MYRF: variants seen among roughly 807,000 people sequenced by gnomAD.
The protein encoded by MYRF is myelin gene regulatory factor.
MYRF carries 16 observed loss-of-function variants against 126.3 expected under a neutral mutation model. The ratio of observed to expected loss-of-function variants is 0.13; its 90% confidence interval spans 0.09 to 0.19. MYRF has a LOEUF of 0.19. Among genes scored for constraint, MYRF ranks in the 10% least tolerant of loss-of-function variants. The probability of loss-of-function intolerance (pLI) is 1.00; values close to 1 mark genes in which losing one functional copy is unlikely to be tolerated. For missense variants in MYRF, 1,104 were observed against 1,547.0 expected (o/e 0.71, Z 4.80); for synonymous variants, 608 against 635.3 (o/e 0.96, Z 0.65).
Position 61,777,628 on chromosome 11 carries a change from G to T in MYRF, c.1792-106G>T. ...CCGATCTAACCACTCCAGTGGTGGG[G>T]TCTCCTCTCCACACTGCAGCCTCCA... On this transcript the variant is annotated intron_variant, in intron 12 of 26. Coordinates refer to ENST00000278836, the MANE Select transcript of MYRF (RefSeq NM_001127392.3). The surrounding 1 kb of genome is among the most constrained non-coding windows in gnomAD (Gnocchi z 8.8). The T allele has an allele frequency of 7.6e-7, 1 of 1,311,852 alleles. No homozygotes were observed. Among genetic ancestry groups the T allele is most frequent in the East Asian group, 2.5e-5 (1 of 39,490 alleles). 81.3% of individuals were successfully genotyped at this position (1,311,852 alleles called of 1,614,324 possible).
In MYRF at chr11:61,771,546, C is replaced by G. The variant is rs745827961; in HGVS notation, c.787C>G (p.Pro263Ala). The change falls in exon 6 of 27, where the codon CCC (proline) becomes GCC (alanine). Residue 263 changes from proline (P) to alanine (A), a missense_variant. Around this residue, in one of 10 missense-constraint regions of MYRF, gnomAD observed 368 missense variants for 403.9 expected, o/e 0.91. Transcript: ENST00000278836. ...GAAGAGGAAGCACTCTGAATCCCCCCCCAGCACCCTCAATGCCCAGATGCT... is the reference window on the plus strand; with the variant it reads ...GAAGAGGAAGCACTCTGAATCCCCCGCCAGCACCCTCAATGCCCAGATGCT... ...SKKRKHSESP[P>A]STLNAQMLNG... The G allele has an allele frequency of 6.2e-6, 10 of 1,613,898 alleles. No individual in the cohort carries two copies. Among genetic ancestry groups the G allele is most frequent in the Admixed American group, 1.7e-5 (1 of 59,988 alleles).
Position 61,777,896 on chromosome 11 carries a change from G to A in MYRF, c.1903+51G>A, listed in dbSNP as rs1487984398. The A allele has an allele frequency of 2.1e-6, 3 of 1,439,930 alleles. No homozygotes were observed. Among genetic ancestry groups the A allele is most frequent in the African/African-American group, 1.4e-5 (1 of 70,748 alleles). 89.2% of individuals were successfully genotyped at this position (1,439,930 alleles called of 1,614,324 possible). On this transcript the variant is annotated intron_variant, in intron 13 of 26. Transcript: ENST00000278836. This position sits in a 1 kb window ranked among gnomAD's most constrained non-coding sequence, Gnocchi z 8.8. ...GGGTCCGGAAACCCAGAAACCTCGG[G>A]CCTCAGTGACCTTGCCCCCTGTCAC...
At chr11:61,756,517 AG>A (rs1254322812) in intron 1 of MYRF, among the ~76,000 whole-genome samples, 1 of 151,086 alleles carries the variant, frequency 6.6e-6, no homozygotes, top group Non-Finnish European at 1.5e-5. Context: ...AGTAGATGGG[AG>A]GGGTGGCCAG....
chr11:61,764,374 A>G (rs1475429512), intron 1 of MYRF, among the ~76,000 whole-genome samples: 1 of 152,216 alleles, frequency 6.6e-6, no homozygotes, highest in Non-Finnish European at 1.5e-5. Context: ...ATCTCGTTTC[A>G]TACTCAAAAC....
At chr11:61,782,143 G>A in intron 22 of MYRF, 3 of 307,868 alleles carry the variant, frequency 9.7e-6, no homozygotes, top group Non-Finnish European at 1.8e-5. Context: ...CCCGAGCCTG[G>A]CTCCTCCTTC....
chr11:61,775,991 G>A (rs2066371423), intron 8 of MYRF, 65 bp from the exon 9 acceptor site: 1 of 1,492,588 alleles, frequency 6.7e-7, no homozygotes, highest in African/African-American at 1.4e-5. Flanking sequence ...GGCTGAGAGG[G>A]GGCAGGAGGG....
chr11:61,781,017 A>G lies in MYRF; in HGVS notation c.2544A>G (p.Leu848=). 1 of 1,610,080 alleles carries G rather than the reference A, an allele frequency of 6.2e-7. No homozygotes were observed. Among genetic ancestry groups the G allele is most frequent in the Non-Finnish European group, 8.5e-7 (1 of 1,179,994 alleles). ...GACAGTCCCCCTTGACCACGGGGCT[A>G]CCAGGCATACAGCCCTCTTTGCTGC... The part of the protein sequence containing the change: ...QLRQSPLTTG[L]PGIQPSLLLV... The change falls in exon 20 of 27, where the codon CTA becomes CTG. Residue 848 remains leucine, a synonymous_variant. Transcript: ENST00000278836.
intron 1 of MYRF, among the ~76,000 whole-genome samples, chr11:61,764,679 C>T (rs1458274653): frequency 6.6e-6 from 1 of 152,210 alleles, no homozygotes; most frequent in Non-Finnish European, 1.5e-5. Context: ...CCTTATCACC[C>T]CGCCCTCTGG....
At chr11:61,770,942 C>A (rs1341445890) in intron 5 of MYRF, among the ~76,000 whole-genome samples, 2 of 152,190 alleles carry the variant, frequency 1.3e-5, no homozygotes. Context: ...TCTGACTCAA[C>A]CTGCACGATT....
rs1379227650 is a variant in MYRF at position 61,776,064 on chromosome 11, C to T, written c.1320C>T (p.Ala440=). The change falls in exon 9 of 27, where the codon GCC becomes GCT. Residue 440 remains alanine, a synonymous_variant. Transcript: ENST00000278836. This position sits in a 1 kb window ranked among gnomAD's most constrained non-coding sequence, Gnocchi z 4.3. The part of the protein sequence containing the change: ...YLKLHGVKLE[A]LNQSINIEQS... ...GGCTTCACTCCCCACAGCTGGAGGC[C>T]CTGAACCAGTCCATTAACATCGAGC... 3 of 1,613,984 alleles carry T rather than the reference C, an allele frequency of 1.9e-6. No individual in the cohort carries two copies. The highest frequency in any genetic ancestry group is 8.5e-7 in the Non-Finnish European group (1 of 1,179,946).
At chr11:61,770,170 C>T in intron 4 of MYRF, 76 bp from the exon 5 acceptor site, 1 of 1,385,826 alleles carries the variant, frequency 7.2e-7, no homozygotes, top group Non-Finnish European at 9.6e-7. Context: ...GCAGGAGACT[C>T]TGCCTTGGGG....
intron 1 of MYRF, among the ~76,000 whole-genome samples, chr11:61,765,283 CA>C (rs1460323558): frequency 6.6e-6 from 1 of 152,248 alleles, no homozygotes. Flanking sequence ...ACAGTGACCC[CA>C]TTTGACAGAT....
At chr11:61,772,049 G>A in intron 7 of MYRF, 97 bp downstream of exon 7, 1 of 1,515,252 alleles carries the variant, frequency 6.6e-7, no homozygotes, top group Non-Finnish European at 8.9e-7. Flanking sequence ...GGGCCTGGGA[G>A]CACTCATTTC....
rs1408853644 is a variant in MYRF, at chr11:61,780,753, G to A, written c.2447G>A (p.Arg816Gln). 7.1e-6 allele frequency: 11 copies of A among 1,548,318 alleles called. No homozygotes were observed. In the East Asian group the frequency reaches 1.2e-4, roughly 17 times the overall value. Reference sequence around the variant, plus strand: ...ACTTCCTGTCTCCTGGCCCTGCTCCGGCCCCAGCCCCCTGGGGGGAGTGAG... The same window carrying A: ...ACTTCCTGTCTCCTGGCCCTGCTCCAGCCCCAGCCCCCTGGGGGGAGTGAG... The part of the protein sequence containing the change: ...VSTSCLLALL[R>Q]PQPPGGSEAL... Residue 816 changes from arginine (R) to glutamine (Q), a missense_variant, in exon 19 of 27, where the codon CGG becomes CAG. This residue lies in a region of MYRF where 323 missense variants were observed against 383.1 expected (regional missense o/e 0.84). Transcript: ENST00000278836.
chr11:61,763,282 G>A (rs993066054), intron 1 of MYRF, among the ~76,000 whole-genome samples: 36 of 152,262 alleles, frequency 2.4e-4, no homozygotes, highest in African/African-American at 7.9e-4. Context: ...CTCTGAACAG[G>A]GGATGGTGAT....
intron 1 of MYRF, chr11:61,755,742 G>C: frequency 1.6e-6 from 1 of 627,008 alleles, no homozygotes. Flanking sequence ...GAGCCTGGAA[G>C]GGGTGCCTGC....
At chr11:61,762,665 T>A (rs1007628752) in intron 1 of MYRF, among the ~76,000 whole-genome samples, 1 of 152,140 alleles carries the variant, frequency 6.6e-6, no homozygotes, top group Admixed American at 6.5e-5. Context: ...GAAAGTCTGT[T>A]AGAAATCTCC....
rs1323214115 is a variant in MYRF at position 61,787,953 on chromosome 11, C to G, written c.*1810C>G. On this transcript the variant is annotated 3_prime_UTR_variant, in exon 27 of 27. Transcript: ENST00000278836. ...AGCACAGCCCCAAAACCGTTAGCAG[C>G]TGGCTCTGTTTCCAAGCCTGGGGAG... 3 of 152,820 alleles carry G rather than the reference C, an allele frequency of 2.0e-5. No homozygotes were observed. Among genetic ancestry groups the G allele is most frequent in the Non-Finnish European group, 4.4e-5 (3 of 68,156 alleles). 9.5% of individuals were successfully genotyped at this position (152,820 alleles called of 1,614,324 possible).
Position 61,780,745 on chromosome 11 carries a change from C to T in MYRF, c.2439C>T (p.Ala813=). 2 of 1,549,046 alleles carry T rather than the reference C, an allele frequency of 1.3e-6. No individual in the cohort carries two copies. The highest frequency in any genetic ancestry group is 1.7e-6 in the Non-Finnish European group (2 of 1,147,096). ...SFAVSTSCLL[A]LLRPQPPGGS... is the part of the protein sequence containing the mutation. ...CCGTGTCCACTTCCTGTCTCCTGGC[C>T]CTGCTCCGGCCCCAGCCCCCTGGGG... The change falls in exon 19 of 27, where the codon GCC becomes GCT. Residue 813 remains alanine, a synonymous_variant. Transcript: ENST00000278836.
Sources: allele counts gnomAD v4.1 joint callset (sites outside exome capture counted in the v4.1 genomes callset), GRCh38; gene constraint gnomAD v4.1.1; regional missense constraint gnomAD v4.1.1; non-coding constraint Gnocchi (gnomAD v3.1); transcripts MANE v1.5; gene names NCBI Gene and HGNC (gene_info 2026-07-23, HGNC 2026-07-21).